Variants in GPHN observed in about 807,000 individuals in gnomAD.
GPHN encodes gephyrin.
In GPHN, 17 loss-of-function variants were observed where a neutral mutation model predicts 95.5. That is an observed-to-expected ratio of 0.18 (90% CI 0.12 to 0.27). The LOEUF is 0.27. Among genes scored for constraint, GPHN ranks in the 10% least tolerant of loss-of-function variants. The pLI is 1.00. For missense variants in GPHN, 660 were observed against 978.1 expected, an observed-to-expected ratio of 0.67 and a Z score of 4.34; for synonymous variants, 320 against 322.5, an observed-to-expected ratio of 0.99 and a Z score of 0.08.
chr14:66,794,156 G>T (rs954826323), intron 3 of GPHN, among the ~76,000 whole-genome samples: 2 of 152,170 alleles, frequency 1.3e-5, no homozygotes, highest in Non-Finnish European at 2.9e-5. Flanking sequence ...TTCAGTGTTG[G>T]AGGTGGGGCC....
chr14:66,615,755 A>C (rs1454750648), intron 1 of GPHN, among the ~76,000 whole-genome samples: 1 of 150,976 alleles, frequency 6.6e-6, no homozygotes, highest in African/African-American at 2.4e-5. Context: ...TTTTTGTTGC[A>C]GTTGCTTTTG....
the GPHN span, chr14:67,224,114 A>G: frequency 3.0e-6 from 2 of 663,448 alleles, no homozygotes. Flanking sequence ...GCAGTTTGCG[A>G]AAGTTAAATT....
intron 13 of GPHN, among the ~76,000 whole-genome samples, chr14:67,109,306 A>G (rs1424263005): frequency 6.6e-6 from 1 of 152,156 alleles, no homozygotes; most frequent in Non-Finnish European, 1.5e-5. Context: ...TTTCTTAGGG[A>G]GAATTTGAAG....
chr14:67,086,224 T>G (rs1291597436), intron 11 of GPHN, among the ~76,000 whole-genome samples: 1 of 152,200 alleles, frequency 6.6e-6, no homozygotes, highest in African/African-American at 2.4e-5. Context: ...TACCTGGAAA[T>G]GGAATTGCTG....
chr14:66,770,564 A>G (rs1489798218), intron 2 of GPHN, among the ~76,000 whole-genome samples: 1 of 152,174 alleles, frequency 6.6e-6, no homozygotes, highest in African/African-American at 2.4e-5. Flanking sequence ...CTATTGTGCA[A>G]TATGTTATAT....
At chr14:66,884,961 C>G (rs2064117504) in intron 5 of GPHN, among the ~76,000 whole-genome samples, 1 of 151,740 alleles carries the variant, frequency 6.6e-6, no homozygotes, top group Non-Finnish European at 1.5e-5. Context: ...GTAATAAACA[C>G]ATGCACTGCT....
chr14:66,582,073 CA>C (rs1427112722), intron 1 of GPHN, among the ~76,000 whole-genome samples: 2 of 151,974 alleles, frequency 1.3e-5, no homozygotes, highest in Non-Finnish European at 1.5e-5. Context: ...CCAACAGTAG[CA>C]GAATCCACAT....
chr14:67,632,922 A>G, the GPHN span, among the ~76,000 whole-genome samples: 43 of 138,384 alleles, frequency 3.1e-4, no homozygotes, highest in African/African-American at 1.1e-3. Context: ...CCGGGTTCAC[A>G]CCATTCTCCT....
At chr14:67,492,169 C>T in the GPHN span, among the ~76,000 whole-genome samples, 5 of 152,172 alleles carry the variant, frequency 3.3e-5, no homozygotes, top group East Asian at 1.9e-4. Context: ...CCAACTCCAT[C>T]GCCTTGGAGG....
intron 18 of GPHN, among the ~76,000 whole-genome samples, chr14:67,156,970 C>CAAAAAAAAAAAA (rs769476551): frequency 1.2e-5 from 1 of 86,150 alleles, no homozygotes. Flanking sequence ...GACTCTGTCT[C>CAAAAAAAAAAAA]AAAAAAAAAA....
intron 1 of GPHN, among the ~76,000 whole-genome samples, chr14:66,536,921 G>A (rs1463544011): frequency 6.6e-6 from 1 of 152,248 alleles, no homozygotes; most frequent in Non-Finnish European, 1.5e-5. Context: ...GTAGTTGGAA[G>A]CTCTTACTAG....
intron 2 of GPHN, among the ~76,000 whole-genome samples, chr14:66,750,470 G>A (rs1205538669): frequency 6.6e-6 from 1 of 151,858 alleles, no homozygotes; most frequent in Admixed American, 6.6e-5. Context: ...AGTAGCCATG[G>A]TCTTAAGGCT....
chr14:66,627,772 G>C (rs2063578045), intron 1 of GPHN, among the ~76,000 whole-genome samples: 1 of 151,930 alleles, frequency 6.6e-6, no homozygotes, highest in Non-Finnish European at 1.5e-5. Context: ...GCGTTTTTTG[G>C]TATTAGGATA....
the GPHN span, among the ~76,000 whole-genome samples, chr14:67,459,034 C>A: frequency 6.6e-6 from 1 of 152,088 alleles, no homozygotes; most frequent in Non-Finnish European, 1.5e-5. Context: ...ATTACAGGCA[C>A]CCGCCACCAT....
chr14:66,561,786 T>C (rs553705528), intron 1 of GPHN, among the ~76,000 whole-genome samples: 21 of 152,278 alleles, frequency 1.4e-4, no homozygotes, highest in Admixed American at 8.5e-4. Flanking sequence ...AATTTGTTAT[T>C]ATGTAGTTCT....
chr14:67,724,513 C>G, the GPHN span: 1 of 1,613,056 alleles, frequency 6.2e-7, no homozygotes. Context: ...AAATGTGCAG[C>G]TTCCTGGCAA....
the GPHN span, among the ~76,000 whole-genome samples, chr14:67,368,095 G>A: frequency 6.6e-6 from 1 of 152,168 alleles, no homozygotes; most frequent in Non-Finnish European, 1.5e-5. Context: ...GATGTGCCAT[G>A]CAGGGCCACA....
At chr14:67,145,093 A>G in intron 18 of GPHN, among the ~76,000 whole-genome samples, 1 of 152,190 alleles carries the variant, frequency 6.6e-6, no homozygotes. Flanking sequence ...TGTTTTCATT[A>G]CCATCAAACT....
chr14:66,849,090 A>G (rs1596135054), intron 4 of GPHN, among the ~76,000 whole-genome samples: 1 of 152,096 alleles, frequency 6.6e-6, no homozygotes, highest in East Asian at 1.9e-4. Flanking sequence ...AATTATATTT[A>G]GAAAGATTAA....
Sources: gnomAD v4.1 joint callset for allele counts (sites outside exome capture counted in the v4.1 genomes callset) on GRCh38, gnomAD v4.1.1 for gene constraint, MANE v1.5 for transcripts, NCBI Gene and HGNC (gene_info 2026-07-23, HGNC 2026-07-21) for gene names.